RIMS2: variants seen among roughly 807,000 people sequenced by gnomAD.
The protein encoded by RIMS2 is regulating synaptic membrane exocytosis protein 2.
Under a neutral mutation model 174.4 loss-of-function variants are expected in RIMS2, and 59 were observed. That is an observed-to-expected ratio of 0.34 (90% CI 0.27 to 0.42). The LOEUF (loss-of-function observed/expected upper bound fraction) is 0.42. Ranked by LOEUF, RIMS2 falls within the 10% of genes least tolerant of loss-of-function variation. The pLI is 1.00. For missense variants in RIMS2, 1,620 were observed against 1,666.3 expected, an observed-to-expected ratio of 0.97 and a Z score of 0.48; for synonymous variants, 606 against 572.5, an observed-to-expected ratio of 1.06 and a Z score of -0.84.
chr8:103,683,973 T>C (rs2096909469), intron 1 of RIMS2, among the ~76,000 whole-genome samples: 1 of 152,162 alleles, frequency 6.6e-6, no homozygotes, highest in African/African-American at 2.4e-5. Context: ...AAGTATACTT[T>C]TGTGACAAAG....
At chr8:103,763,519 G>A (rs2140181656) in intron 2 of RIMS2, among the ~76,000 whole-genome samples, 1 of 151,918 alleles carries the variant, frequency 6.6e-6, no homozygotes, top group Non-Finnish European at 1.5e-5. Context: ...TATAGGATAA[G>A]GGAAGGAGGG....
At chr8:103,619,093 GAAAAA>G (rs56210078) in intron 1 of RIMS2, among the ~76,000 whole-genome samples, 1 of 107,178 alleles carries the variant, frequency 9.3e-6, no homozygotes. Context: ...ACTTTTTGCT[GAAAAA>G]AAAAAAAAAA....
intron 19 of RIMS2, among the ~76,000 whole-genome samples, chr8:104,215,404 G>C (rs1000889514): frequency 3.9e-5 from 6 of 152,072 alleles, no homozygotes; most frequent in African/African-American, 1.4e-4. Context: ...GTCACACTAT[G>C]GTGTAAGGAG....
At chr8:104,205,181 A>T (rs2099074248) in intron 19 of RIMS2, among the ~76,000 whole-genome samples, 1 of 152,154 alleles carries the variant, frequency 6.6e-6, no homozygotes, top group African/African-American at 2.4e-5. Flanking sequence ...CCTTTTTCCC[A>T]TTTCAGAGTG....
intron 3 of RIMS2, among the ~76,000 whole-genome samples, chr8:103,865,908 T>C (rs370458579): frequency 1.3e-5 from 2 of 152,194 alleles, no homozygotes; most frequent in Non-Finnish European, 2.9e-5. Context: ...ATTGTGATAA[T>C]GCAATTGGAT....
chr8:104,013,140 A>G (rs927472069), intron 17 of RIMS2, among the ~76,000 whole-genome samples: 1 of 152,298 alleles, frequency 6.6e-6, no homozygotes. Context: ...AATAATTCAC[A>G]TATTTCACGT....
In RIMS2 at chr8:103,938,106, G is replaced by C. The variant is rs75293631; in HGVS notation, c.2547+1384G>C. Among the ~76,000 whole-genome samples, 69 of 152,232 alleles carry C rather than the reference G, an allele frequency of 4.5e-4. No individual in the cohort carries two copies. The East Asian group carries it at 0.013, about 29-fold the overall frequency. On this transcript the variant is annotated intron_variant, in intron 13 of 23. Transcript: ENST00000504942. ...AATGGTTCGATTGTACTTGAGAAAA[G>C]TATTTCCAGCTGTAATGTGGAGAAT...
At position 103,632,731 on chromosome 8, in the gene RIMS2, ATTTTTT is replaced by A. The variant is rs61579273; in HGVS notation, c.177-64335_177-64330del. Among the ~76,000 whole-genome samples the A allele has an allele frequency of 8.1e-3, 573 of 70,412 alleles. 4 individuals are homozygous for A. The highest frequency in any genetic ancestry group is 0.033 in the African/African-American group (532 of 16,282). The allele number at this position is 70,412 out of a possible 152,430, so 46.2% of individuals were successfully genotyped here. A position where few individuals can be genotyped will look rare whatever the true frequency, so the allele number is the denominator to read the frequency against. On this transcript the variant is annotated intron_variant, in intron 1 of 23. Coordinates refer to ENST00000504942, the Ensembl canonical transcript of RIMS2. ...CCACTGCGCCCGGCCATATTTATTG[ATTTTTT>A]TTTTTTTTTTTTTTTTTTTGAGATG...
At chr8:103,504,285 T>C (rs1822185813) in intron 1 of RIMS2, among the ~76,000 whole-genome samples, 1 of 152,162 alleles carries the variant, frequency 6.6e-6, no homozygotes, top group Admixed American at 6.5e-5. Flanking sequence ...TTTGAGTTTG[T>C]GTTTTGCAGC....
At chr8:103,752,461 A>C (rs1402958354) in intron 2 of RIMS2, among the ~76,000 whole-genome samples, 3 of 152,198 alleles carry the variant, frequency 2.0e-5, no homozygotes, top group South Asian at 2.1e-4. Context: ...TATGAACTTT[A>C]AAGTAGTTTT....
chr8:103,686,183 C>T (rs1255333339), intron 1 of RIMS2, among the ~76,000 whole-genome samples: 1 of 151,970 alleles, frequency 6.6e-6, no homozygotes, highest in Non-Finnish European at 1.5e-5. Flanking sequence ...ATCTTGTATC[C>T]TGTGACCTTG....
At chr8:103,997,195 G>C (rs1295555672) in intron 17 of RIMS2, among the ~76,000 whole-genome samples, 1 of 151,802 alleles carries the variant, frequency 6.6e-6, no homozygotes, top group Non-Finnish European at 1.5e-5. Flanking sequence ...AAATGAGCGA[G>C]ATACAGTGGC....
intron 17 of RIMS2, among the ~76,000 whole-genome samples, chr8:103,999,094 A>G (rs2095271558): frequency 6.6e-6 from 1 of 151,778 alleles, no homozygotes; most frequent in South Asian, 2.1e-4. Flanking sequence ...CTTAGCTAGT[A>G]TAAATTAGGA....
chr8:104,167,551 C>T (rs1310601560), intron 19 of RIMS2, among the ~76,000 whole-genome samples: 2 of 151,890 alleles, frequency 1.3e-5, no homozygotes, highest in Admixed American at 6.6e-5. Flanking sequence ...TTTGTTTGAG[C>T]TCTGTGTAGA....
chr8:103,768,313 C>T, intron 3 of RIMS2: 2 of 638,016 alleles, frequency 3.1e-6, no homozygotes, highest in South Asian at 3.4e-5. Context: ...CAGCCACTGG[C>T]TGCCAGAAAC....
rs1201734025 is a variant in RIMS2, at chr8:104,183,071, A to G, written c.3335-61845A>G. Among the ~76,000 whole-genome samples, 3 of 151,858 alleles carry G rather than the reference A, an allele frequency of 2.0e-5. No individual in the cohort carries two copies. In the East Asian group the frequency reaches 5.8e-4, roughly 29 times the overall value. On this transcript the variant is annotated intron_variant, in intron 19 of 23. Coordinates refer to ENST00000504942, the Ensembl canonical transcript of RIMS2. ...AGAAGTGACTAAAACTTTTACCCAT[A>G]TTAAATGTTGCTTGCAGGTCTGTAT...
intron 1 of RIMS2, among the ~76,000 whole-genome samples, chr8:103,542,173 A>G (rs1842847960): frequency 6.6e-6 from 1 of 152,178 alleles, no homozygotes; most frequent in African/African-American, 2.4e-5. Context: ...AACTCAGACC[A>G]CAGAAACACA....
intron 1 of RIMS2, among the ~76,000 whole-genome samples, chr8:103,602,181 G>A (rs1330288735): frequency 6.6e-6 from 1 of 151,992 alleles, no homozygotes; most frequent in Non-Finnish European, 1.5e-5. Context: ...TAGAGACGGG[G>A]TTTCACCATG....
chr8:103,952,090 G>C (rs2085547160), intron 14 of RIMS2, among the ~76,000 whole-genome samples: 1 of 152,182 alleles, frequency 6.6e-6, no homozygotes, highest in South Asian at 2.1e-4. Flanking sequence ...CTGAAAAAAA[G>C]GCAGCAGCCC....
Sources: gnomAD v4.1 joint callset for allele counts (sites outside exome capture counted in the v4.1 genomes callset) on GRCh38, gnomAD v4.1.1 for gene constraint, MANE v1.5 for transcripts, NCBI Gene and HGNC (gene_info 2026-07-23, HGNC 2026-07-21) for gene names.